Variants in SPINK5 observed in about 807,000 individuals in gnomAD.
SPINK5 encodes the protein serine peptidase inhibitor Kazal type 5, also known as serine protease inhibitor Kazal-type 5.
SPINK5 carries 125 observed loss-of-function variants against 151.8 expected under a neutral mutation model. The ratio of observed to expected loss-of-function variants is 0.82; its 90% confidence interval spans 0.71 to 0.96. SPINK5 has a LOEUF of 0.96. Ranked by LOEUF, SPINK5 falls within the 40% of genes least tolerant of loss-of-function variation. The pLI, the probability that SPINK5 is intolerant of heterozygous loss-of-function variation, is 0.00. For missense variants in SPINK5, 1,194 were observed against 1,291.9 expected (o/e 0.92, Z 1.16); for synonymous variants, 374 against 395.3 (o/e 0.95, Z 0.64).
rs1441621583 is a variant in SPINK5, at chr5:148,104,987, G to A, written c.1466G>A (p.Arg489Lys). ...QEERARAKAK[R>K]EAAKEICSEF... ...GAAAGAGCAAGAGCAAAGGCTAAAA[G>A]AGAAGCTGCAAAGGTAATATTCTCA... Residue 489 changes from arginine (R) to lysine (K), a missense_variant, in exon 16 of 33, where the codon AGA becomes AAA. Arg to Lys is a conservative substitution (Grantham distance 26). Coordinates refer to ENST00000256084, the MANE Select transcript of SPINK5 (RefSeq NM_006846.4). 1 of 1,613,872 alleles carries A rather than the reference G, an allele frequency of 6.2e-7. No homozygotes were observed. Among genetic ancestry groups the A allele is most frequent in the Non-Finnish European group, 8.5e-7 (1 of 1,179,914 alleles).
At chr5:148,127,547 G>A (rs3777130) in intron 30 of SPINK5, among the ~76,000 whole-genome samples, 84,967 of 151,548 alleles carry the variant, frequency 0.56, 24,500 homozygotes, top group Admixed American at 0.65. Context: ...AGTAGCTAAA[G>A]CTTCTTGTTT....
chr5:148,091,322 C>T (rs1753303876), intron 8 of SPINK5, 94 bp downstream of exon 8: 1 of 1,013,380 alleles, frequency 9.9e-7, no homozygotes, highest in African/African-American at 1.6e-5. Flanking sequence ...AAGTCATTGT[C>T]TTTTATTATT....
At position 148,099,182 on chromosome 5, in the gene SPINK5, C is replaced by T. The variant is rs1753562027; in HGVS notation, c.1011-52C>T. On this transcript the variant is annotated intron_variant, in intron 11 of 32. Coordinates refer to ENST00000256084, the MANE Select transcript of SPINK5 (RefSeq NM_006846.4). Reference sequence around the variant, plus strand: ...TAACAGTGCAAGGATGTGGAGAAATCATGGCATGTGTTTGTTCCTAATGGA... The same window carrying T: ...TAACAGTGCAAGGATGTGGAGAAATTATGGCATGTGTTTGTTCCTAATGGA... The T allele has an allele frequency of 6.6e-6, 10 of 1,513,184 alleles. No individual in the cohort carries two copies. The South Asian group carries it at 1.1e-4, about 16-fold the overall frequency. The allele number at this position is 1,513,184 out of a possible 1,614,324, so 93.7% of individuals were successfully genotyped here.
At chr5:148,088,497 G>C in intron 5 of SPINK5, 45 bp from the exon 6 acceptor site, 1 of 1,570,102 alleles carries the variant, frequency 6.4e-7, no homozygotes, top group Non-Finnish European at 8.8e-7. Context: ...ATGGTGGGAA[G>C]TTCTGTGATA....
At chr5:148,106,318 AATTT>A (rs112269918) in intron 16 of SPINK5, among the ~76,000 whole-genome samples, 5,636 of 151,418 alleles carry the variant, frequency 0.037, 315 homozygotes, top group African/African-American at 0.13. Flanking sequence ...TGTCTTTTTA[AATTT>A]ATTTATTTAT....
intron 31 of SPINK5, among the ~76,000 whole-genome samples, 199 bp downstream of exon 31, chr5:148,131,588 T>C (rs573976268): frequency 1.8e-4 from 28 of 152,156 alleles, no homozygotes; most frequent in Non-Finnish European, 3.2e-4. Flanking sequence ...CTTTGGTAAA[T>C]TGCTTACCTA....
intron 4 of SPINK5, among the ~76,000 whole-genome samples, chr5:148,082,416 C>T (rs1753043518): frequency 6.6e-6 from 1 of 150,710 alleles, no homozygotes; most frequent in African/African-American, 2.4e-5. Context: ...TTCTCTACCC[C>T]TAATGTTATT....
chr5:148,121,516 C>G (rs1203036421), intron 26 of SPINK5, among the ~76,000 whole-genome samples: 3 of 151,814 alleles, frequency 2.0e-5, no homozygotes, highest in Non-Finnish European at 4.4e-5. Flanking sequence ...AGAAAATAAC[C>G]TTATTGCACA....
chr5:148,137,210 C>A lies in SPINK5; in HGVS notation c.*219C>A. 1.6e-6 allele frequency: 1 copy of A among 613,756 alleles called. No individual in the cohort carries two copies. The highest frequency in any genetic ancestry group is 2.9e-6 in the Non-Finnish European group (1 of 349,512). 38.0% of individuals were successfully genotyped at this position (613,756 alleles called of 1,614,324 possible). A position where few individuals can be genotyped will look rare whatever the true frequency, so the allele number is the denominator to read the frequency against. On this transcript the variant is annotated 3_prime_UTR_variant, in exon 33 of 33. Transcript: ENST00000256084. Reference sequence around the variant, plus strand: ...GGGTATAAAGACATCTCCACCAAGTCTGAGCCCTCAAAATGTCCTGATTAC... The same window carrying A: ...GGGTATAAAGACATCTCCACCAAGTATGAGCCCTCAAAATGTCCTGATTAC...
chr5:148,091,778 A>C (rs1753317942), intron 8 of SPINK5, among the ~76,000 whole-genome samples: 1 of 151,450 alleles, frequency 6.6e-6, no homozygotes, highest in South Asian at 2.1e-4. Context: ...TTAAAAAAAA[A>C]AAAAGACAAA....
chr5:148,118,491 C>T lies in SPINK5; in HGVS notation c.2167C>T (p.Arg723Trp), dbSNP rs369782107. Residue 723 changes from arginine to tryptophan, a missense_variant, in exon 23 of 33, where the codon CGG (arginine) becomes TGG (tryptophan). Arg to Trp is a moderately radical substitution (Grantham distance 101). Coordinates refer to ENST00000256084, the MANE Select transcript of SPINK5 (RefSeq NM_006846.4). The part of the protein sequence containing the change: ...QMKNGRLSCT[R>W]ESDPVRDADG... ...GAAAAATGGAAGACTCAGCTGTACT[C>T]GGGAGAGTGATCCTGTACGTGATGC... 1.3e-4 allele frequency: 214 copies of T among 1,613,940 alleles called. No homozygotes were observed. Among genetic ancestry groups the T allele is most frequent in the Non-Finnish European group, 1.7e-4 (195 of 1,180,012 alleles).
At chr5:148,083,291 A>G (rs1581061865) in intron 4 of SPINK5, among the ~76,000 whole-genome samples, 1 of 151,164 alleles carries the variant, frequency 6.6e-6, no homozygotes, top group East Asian at 2.0e-4. Flanking sequence ...TATTTTTATT[A>G]TCTTACTGGT....
Position 148,111,812 on chromosome 5 carries a change from C to T in SPINK5, c.1737C>T (p.Leu579=). The T allele has an allele frequency of 1.9e-6, 3 of 1,614,038 alleles. No individual in the cohort carries two copies. Among genetic ancestry groups the T allele is most frequent in the Non-Finnish European group, 1.7e-6 (2 of 1,179,962 alleles). The part of the protein sequence containing the change: ...EYRHYVRNGR[L]PCTRENDPIE... ...GTCATTATGTGAGGAATGGACGACT[C>T]CCCTGTACCAGAGAGAATGATCCTA... The change falls in exon 19 of 33, where the codon CTC becomes CTT. Residue 579 remains leucine, a synonymous_variant. Transcript: ENST00000256084.
intron 13 of SPINK5, 117 bp from the exon 14 acceptor site, chr5:148,101,238 C>T (rs1581081638): frequency 1.3e-6 from 1 of 764,988 alleles, no homozygotes; most frequent in East Asian, 2.7e-5. Flanking sequence ...GGGTTAGGCA[C>T]ATCACATTCA....
chr5:148,112,015 T>A, intron 19 of SPINK5, 120 bp downstream of exon 19: 1 of 1,471,168 alleles, frequency 6.8e-7, no homozygotes, highest in Non-Finnish European at 9.4e-7. Context: ...GTCTTTGCAC[T>A]GAGTTTGGAA....
chr5:148,072,718 G>A (rs1017220), intron 4 of SPINK5, among the ~76,000 whole-genome samples: 107,898 of 151,366 alleles, frequency 0.71, 39,069 homozygotes, highest in East Asian at 0.91. Context: ...GACTCATTCT[G>A]TTTCCTTTTT....
In SPINK5 at chr5:148,107,075, A is replaced by G; in HGVS notation, c.1518A>G (p.Gly506=). Residue 506 remains glycine, a synonymous_variant, in exon 17 of 33, where the codon GGA becomes GGG. Transcript: ENST00000256084. ...AATTTCGGGACCAAGTGAGGAATGG[A>G]ACACTTATATGCACCAGGGAGCATA... The part of the protein sequence containing the change: ...CSEFRDQVRN[G]TLICTREHNP... The G allele has an allele frequency of 6.2e-7, 1 of 1,613,292 alleles. No individual in the cohort carries two copies.
intron 26 of SPINK5, among the ~76,000 whole-genome samples, chr5:148,122,170 C>T (rs1345907037): frequency 6.6e-6 from 1 of 151,984 alleles, no homozygotes; most frequent in African/African-American, 2.4e-5. Flanking sequence ...AAGTGAACTA[C>T]ACATAATTAA....
intron 31 of SPINK5, among the ~76,000 whole-genome samples, chr5:148,132,273 C>T (rs968917736): frequency 6.6e-6 from 1 of 152,144 alleles, no homozygotes; most frequent in Non-Finnish European, 1.5e-5. Flanking sequence ...TTTCCCATCT[C>T]ACCTGACCCC....
Sources: gnomAD v4.1 joint callset for allele counts (sites outside exome capture counted in the v4.1 genomes callset) on GRCh38, gnomAD v4.1.1 for gene constraint, MANE v1.5 for transcripts, NCBI Gene and HGNC (gene_info 2026-07-23, HGNC 2026-07-21) for gene names.